The following NTRK2 variants were observed in gnomAD, a reference collection of about 807,000 sequenced individuals.
The protein encoded by NTRK2 is neurotrophic receptor tyrosine kinase 2, also known as BDNF/NT-3 growth factors receptor.
Under a neutral mutation model 94.5 loss-of-function variants are expected in NTRK2, and 13 were observed. That is an observed-to-expected ratio of 0.14 (90% CI 0.09 to 0.22). NTRK2 has a LOEUF of 0.22. NTRK2 is among the 10% of genes least tolerant of loss of function. The probability of loss-of-function intolerance (pLI) is 1.00; values close to 1 mark genes in which losing one functional copy is unlikely to be tolerated. For missense variants in NTRK2, 639 were observed against 1,071.2 expected, an observed-to-expected ratio of 0.60 and a Z score of 5.63; for synonymous variants, 372 against 407.4, an observed-to-expected ratio of 0.91 and a Z score of 1.05.
intron 14 of NTRK2, among the ~76,000 whole-genome samples, chr9:84,900,695 C>T (rs1192478833): frequency 6.6e-6 from 1 of 152,130 alleles, no homozygotes; most frequent in African/African-American, 2.4e-5. Context: ...GTGATTGGAT[C>T]ATGAATACCA....
chr9:84,736,309 G>A (rs953939837), intron 9 of NTRK2, among the ~76,000 whole-genome samples: 3 of 152,146 alleles, frequency 2.0e-5, no homozygotes, highest in Non-Finnish European at 2.9e-5. Context: ...TGCGAAATGC[G>A]CGTCAGGAAC....
intron 14 of NTRK2, among the ~76,000 whole-genome samples, chr9:84,883,415 G>A (rs1195668273): frequency 6.6e-6 from 1 of 152,210 alleles, no homozygotes; most frequent in African/African-American, 2.4e-5. Flanking sequence ...ACATGGAACT[G>A]TTTCACTCAT....
At chr9:84,938,621 A>G (rs565791663) in intron 15 of NTRK2, among the ~76,000 whole-genome samples, 1 of 152,362 alleles carries the variant, frequency 6.6e-6, no homozygotes, top group East Asian at 1.9e-4. Context: ...CATATTCCCC[A>G]GGATGGCAAT....
At chr9:84,727,361 C>A (rs1035404635) in intron 8 of NTRK2, among the ~76,000 whole-genome samples, 10 of 152,128 alleles carry the variant, frequency 6.6e-5, no homozygotes, top group Admixed American at 2.6e-4. Context: ...TGTCAGAAAT[C>A]TCTTGGATCT....
chr9:84,954,122 A>G (rs1823810523), intron 16 of NTRK2, among the ~76,000 whole-genome samples: 1 of 152,268 alleles, frequency 6.6e-6, no homozygotes, highest in Non-Finnish European at 1.5e-5. Context: ...TTTAACATTT[A>G]TGCAGAATCC....
At chr9:84,776,249 TCTCA>T (rs2067030993) in intron 12 of NTRK2, among the ~76,000 whole-genome samples, 1 of 151,962 alleles carries the variant, frequency 6.6e-6, no homozygotes, top group African/African-American at 2.4e-5. Flanking sequence ...TGAGACAGAG[TCTCA>T]CTCTGTCGCC....
intron 17 of NTRK2, among the ~76,000 whole-genome samples, chr9:84,980,856 G>T (rs4075561): frequency 0.5 from 76,202 of 152,158 alleles, 19,560 homozygotes; most frequent in Middle Eastern, 0.6. Context: ...TGCATAAACT[G>T]GGGAAACGAA....
intron 14 of NTRK2, among the ~76,000 whole-genome samples, chr9:84,882,719 T>TGTGTGCGCGCGCACGC: frequency 6.9e-6 from 1 of 145,742 alleles, no homozygotes; most frequent in South Asian, 2.1e-4. Context: ...TGTGTGTGTG[T>TGTGTGCGCGCGCACGC]GCGCGCGCGC....
At position 84,961,970 on chromosome 9, in the gene NTRK2, A is replaced by G. The variant is rs796773622; in HGVS notation, c.2172+6453A>G. Reference sequence around the variant, plus strand: ...GAGATGTCAATGTAAACATCACAGTATGTGATCCAGGAGTGGGGTCTTCTT... The same window carrying G: ...GAGATGTCAATGTAAACATCACAGTGTGTGATCCAGGAGTGGGGTCTTCTT... On this transcript the variant is annotated intron_variant, in intron 17 of 18. Coordinates refer to ENST00000277120, the MANE Select transcript of NTRK2 (RefSeq NM_006180.6). Among the ~76,000 whole-genome samples, 7 of 152,360 alleles carry G rather than the reference A, an allele frequency of 4.6e-5. 1 individual carries two copies. The highest frequency in any genetic ancestry group is 1.7e-4 in the African/African-American group (7 of 41,586).
chr9:84,981,331 A>C (rs1445193333), intron 17 of NTRK2, among the ~76,000 whole-genome samples: 6 of 151,540 alleles, frequency 4.0e-5, no homozygotes, highest in Admixed American at 2.6e-4. Context: ...TGAACTCCTG[A>C]CCTCAAGTGG....
intron 14 of NTRK2, among the ~76,000 whole-genome samples, chr9:84,868,012 C>T (rs891336429): frequency 6.6e-6 from 1 of 152,178 alleles, no homozygotes; most frequent in Non-Finnish European, 1.5e-5. Flanking sequence ...TTTTCAAAAA[C>T]AAATTAACCC....
At chr9:84,796,904 C>T (rs973645931) in intron 12 of NTRK2, among the ~76,000 whole-genome samples, 6 of 152,134 alleles carry the variant, frequency 3.9e-5, no homozygotes, top group African/African-American at 9.7e-5. Context: ...TTACCCCCTA[C>T]TTGCCAAAAC....
At chr9:84,773,811 C>G (rs1476744850) in intron 12 of NTRK2, among the ~76,000 whole-genome samples, 1 of 152,112 alleles carries the variant, frequency 6.6e-6, no homozygotes, top group Admixed American at 6.5e-5. Context: ...CACTCTTTCT[C>G]TTTTTTCAAT....
intron 14 of NTRK2, among the ~76,000 whole-genome samples, chr9:84,868,179 C>G (rs7873811): frequency 0.052 from 7,931 of 152,224 alleles, 472 homozygotes; most frequent in East Asian, 0.18. Context: ...TCCAGGCCTT[C>G]CTTCATATGT....
intron 14 of NTRK2, among the ~76,000 whole-genome samples, chr9:84,870,122 T>TATATATAC (rs1564410499): frequency 7.5e-6 from 1 of 132,986 alleles, no homozygotes; most frequent in African/African-American, 2.8e-5. Flanking sequence ...TATATATATA[T>TATATATAC]ATATACACAC....
intron 17 of NTRK2, among the ~76,000 whole-genome samples, chr9:84,988,324 A>G (rs918770562): frequency 6.6e-6 from 1 of 152,186 alleles, no homozygotes; most frequent in Non-Finnish European, 1.5e-5. Flanking sequence ...AAGTCCTTGA[A>G]TGTTTTTCTA....
chr9:84,954,743 G>A (rs970182375), intron 16 of NTRK2, among the ~76,000 whole-genome samples: 1 of 152,200 alleles, frequency 6.6e-6, no homozygotes, highest in Non-Finnish European at 1.5e-5. Flanking sequence ...GCCGCAGGCT[G>A]CCCAGCTCTG....
At chr9:84,948,355 T>G (rs1408330514) in intron 15 of NTRK2, 107 bp from the exon 16 acceptor site, 5 of 1,130,018 alleles carry the variant, frequency 4.4e-6, no homozygotes, top group African/African-American at 3.1e-5. Context: ...CCTTAGGAAC[T>G]AGGCTGTTTT....
intron 8 of NTRK2, 146 bp downstream of exon 8, chr9:84,724,502 C>A: frequency 1.1e-6 from 1 of 951,412 alleles, no homozygotes; most frequent in Non-Finnish European, 1.7e-6. Context: ...GAAACATTAT[C>A]AGCCTCTTTT....
Sources: gnomAD v4.1 joint callset for allele counts (sites outside exome capture counted in the v4.1 genomes callset) on GRCh38, gnomAD v4.1.1 for gene constraint, MANE v1.5 for transcripts, NCBI Gene and HGNC (gene_info 2026-07-23, HGNC 2026-07-21) for gene names.